The following GBE1 variants were observed in gnomAD, a reference collection of about 807,000 sequenced individuals.
The protein encoded by GBE1 is 1,4-alpha-glucan branching enzyme 1, also known as 1,4-alpha-glucan-branching enzyme.
Under a neutral mutation model 88.8 loss-of-function variants are expected in GBE1, and 70 were observed. The observed-to-expected ratio is 0.79, with a 90% CI of 0.65 to 0.96. GBE1 has a LOEUF of 0.96. GBE1 is among the 40% of genes least tolerant of loss of function. The pLI is 0.00. For synonymous variants in GBE1, 284 were observed against 300.1 expected, an observed-to-expected ratio of 0.95 and a Z score of 0.56; for missense variants, 872 against 871.0, an observed-to-expected ratio of 1.00 and a Z score of -0.01.
chr3:81,568,390 C>T (rs1474917178), intron 12 of GBE1, among the ~76,000 whole-genome samples: 2 of 152,170 alleles, frequency 1.3e-5, no homozygotes, highest in East Asian at 1.9e-4. Context: ...TCAAGTGATC[C>T]ACCGGCCTCA....
intron 2 of GBE1, among the ~76,000 whole-genome samples, chr3:81,688,861 A>G (rs1705479937): frequency 6.6e-6 from 1 of 151,638 alleles, no homozygotes; most frequent in Non-Finnish European, 1.5e-5. Context: ...ATTTAATGCT[A>G]TATGTAAATT....
chr3:81,561,817 A>G (rs1703421933), intron 12 of GBE1, among the ~76,000 whole-genome samples: 2 of 152,012 alleles, frequency 1.3e-5, no homozygotes, highest in Non-Finnish European at 2.9e-5. Flanking sequence ...TAAATTAGTA[A>G]GGCCCTCATT....
chr3:81,545,089 C>T (rs1032079223), intron 12 of GBE1, among the ~76,000 whole-genome samples: 3 of 152,104 alleles, frequency 2.0e-5, no homozygotes, highest in Non-Finnish European at 2.9e-5. Context: ...GTACTAAAGA[C>T]TAACTTTTAA....
intron 12 of GBE1, among the ~76,000 whole-genome samples, chr3:81,563,084 C>A (rs1703442601): frequency 6.6e-6 from 1 of 152,050 alleles, no homozygotes; most frequent in Non-Finnish European, 1.5e-5. Context: ...ACCAGTTTGA[C>A]AATACATCTC....
chr3:81,758,616 T>C (rs1414600548), intron 1 of GBE1, among the ~76,000 whole-genome samples: 1 of 152,240 alleles, frequency 6.6e-6, no homozygotes, highest in African/African-American at 2.4e-5. Flanking sequence ...ATTTTGGAAT[T>C]ATAACAACTA....
intron 1 of GBE1, among the ~76,000 whole-genome samples, chr3:81,709,323 T>G (rs1428458182): frequency 1.3e-5 from 2 of 152,098 alleles, no homozygotes; most frequent in Non-Finnish European, 1.5e-5. Flanking sequence ...GTGTGTGTGT[T>G]TTTTTAACCT....
At chr3:81,497,321 A>G (rs1254015062) in intron 15 of GBE1, among the ~76,000 whole-genome samples, 1 of 152,186 alleles carries the variant, frequency 6.6e-6, no homozygotes, top group Non-Finnish European at 1.5e-5. Context: ...CACTTAGTAT[A>G]TTGACATGTT....
intron 14 of GBE1, among the ~76,000 whole-genome samples, chr3:81,511,066 A>C (rs1236170951): frequency 2.6e-5 from 4 of 152,094 alleles, no homozygotes; most frequent in Admixed American, 6.6e-5. Context: ...AAACAAAAAT[A>C]AACAATGGGG....
intron 1 of GBE1, among the ~76,000 whole-genome samples, chr3:81,727,169 T>C (rs976183183): frequency 6.6e-6 from 1 of 152,222 alleles, no homozygotes; most frequent in African/African-American, 2.4e-5. Flanking sequence ...CAAACATGCT[T>C]AATTCCTGGG....
chr3:81,699,723 G>A (rs540535492), intron 2 of GBE1, among the ~76,000 whole-genome samples: 12 of 151,894 alleles, frequency 7.9e-5, no homozygotes, highest in Admixed American at 2.0e-4. Flanking sequence ...ATTATATTGC[G>A]CCCACCAGAT....
At chr3:81,721,900 GT>G (rs1393394690) in intron 1 of GBE1, among the ~76,000 whole-genome samples, 1 of 152,116 alleles carries the variant, frequency 6.6e-6, no homozygotes, top group Non-Finnish European at 1.5e-5. Context: ...TATTCTGTAT[GT>G]TAAAAATTCT....
intron 14 of GBE1, among the ~76,000 whole-genome samples, chr3:81,506,076 A>G (rs1309054933): frequency 6.6e-6 from 1 of 152,172 alleles, no homozygotes; most frequent in African/African-American, 2.4e-5. Flanking sequence ...TAATTAAACT[A>G]GGGAGATTTT....
At chr3:81,661,467 T>C (rs1559679797) in intron 3 of GBE1, among the ~76,000 whole-genome samples, 1 of 152,234 alleles carries the variant, frequency 6.6e-6, no homozygotes, top group Non-Finnish European at 1.5e-5. Flanking sequence ...CAACCACCTG[T>C]CGCATTAAAC....
intron 1 of GBE1, among the ~76,000 whole-genome samples, chr3:81,722,896 G>GTGTGTA (rs756121951): frequency 5.9e-4 from 80 of 135,314 alleles, no homozygotes; most frequent in Middle Eastern, 7.8e-3. Context: ...GTGTGTGTGT[G>GTGTGTA]TATATATATA....
In GBE1 at chr3:81,594,666, A is replaced by G. The variant is rs547514782; in HGVS notation, c.993-643T>C. 7.2e-5 allele frequency among the ~76,000 whole-genome samples: 11 copies of G among 152,180 alleles called. 1 individual carries two copies. In the South Asian group the frequency reaches 2.1e-3, roughly 29 times the overall value. ...GGTAAAAAAAGAAAACCTAATTACC[A>G]AAAACCACATGTGTAATAAAGTACA... On this transcript the variant is annotated intron_variant, in intron 7 of 15. Coordinates refer to ENST00000429644, the MANE Select transcript of GBE1 (RefSeq NM_000158.4).
In GBE1 at chr3:81,590,994, C is replaced by T. The variant is rs140728417; in HGVS notation, c.1236+43G>A. On this transcript the variant is annotated intron_variant, in intron 9 of 15. Transcript: ENST00000429644. Reference sequence around the variant, plus strand: ...ATACTGTATGCTGACAAAATACTCTCTATTAAAGGGGGTCAGAAGGTAAGA... The same window carrying T: ...ATACTGTATGCTGACAAAATACTCTTTATTAAAGGGGGTCAGAAGGTAAGA... 13 of 1,550,528 alleles carry T rather than the reference C, an allele frequency of 8.4e-6. 1 individual carries two copies. Among genetic ancestry groups the T allele is most frequent in the South Asian group, 7.3e-5 (6 of 81,672 alleles).
chr3:81,750,541 A>G lies in GBE1; in HGVS notation c.143+10834T>C, dbSNP rs1256425311. On this transcript the variant is annotated intron_variant, in intron 1 of 15. Coordinates refer to ENST00000429644, the MANE Select transcript of GBE1 (RefSeq NM_000158.4). Reference sequence around the variant, plus strand: ...AAAACATTCATATATATATATACGTATATATATATGTATATATATATGTAT... The same window carrying G: ...AAAACATTCATATATATATATACGTGTATATATATGTATATATATATGTAT... Among the ~76,000 whole-genome samples, 887 of 97,810 alleles carry G rather than the reference A, an allele frequency of 9.1e-3. 132 individuals carry two copies. The highest frequency in any genetic ancestry group is 0.043 in the African/African-American group (849 of 19,564). The allele number at this position is 97,810 out of a possible 152,430, so 64.2% of individuals were successfully genotyped here.
intron 2 of GBE1, among the ~76,000 whole-genome samples, chr3:81,692,865 T>C (rs761058675): frequency 1.3e-5 from 2 of 152,220 alleles, no homozygotes; most frequent in Non-Finnish European, 2.9e-5. Flanking sequence ...CAACCCAATT[T>C]TTCATGATAA....
At chr3:81,642,171 G>T (rs1243415292) in intron 7 of GBE1, among the ~76,000 whole-genome samples, 3 of 151,708 alleles carry the variant, frequency 2.0e-5, no homozygotes, top group Non-Finnish European at 4.4e-5. Context: ...CTTAACAAAT[G>T]GTTTCAACAC....
Sources: gnomAD v4.1 joint callset for allele counts (sites outside exome capture counted in the v4.1 genomes callset) on GRCh38, gnomAD v4.1.1 for gene constraint, MANE v1.5 for transcripts, NCBI Gene and HGNC (gene_info 2026-07-23, HGNC 2026-07-21) for gene names.